SLC7A2: variants seen among roughly 807,000 people sequenced by gnomAD.
SLC7A2 encodes the protein solute carrier family 7 member 2, also known as cationic amino acid transporter 2.
A neutral mutation model predicts 58.9 loss-of-function variants in SLC7A2; 48 were observed. That is an observed-to-expected ratio of 0.82 (90% CI 0.65 to 1.04). The LOEUF is 1.04. SLC7A2 is among the 50% of genes least tolerant of loss of function. The probability of loss-of-function intolerance (pLI) is 0.00; values close to 1 mark genes in which losing one functional copy is unlikely to be tolerated. For missense variants in SLC7A2, 1,029 were observed against 818.8 expected (o/e 1.26, Z -3.13); for synonymous variants, 363 against 314.5 (o/e 1.15, Z -1.63).
chr8:17,495,571 A>G (rs1799936650), upstream of SLC7A2, among the ~76,000 whole-genome samples: 2 of 152,226 alleles, frequency 1.3e-5, no homozygotes, highest in South Asian at 4.1e-4. Context: ...TGTTTTTGAG[A>G]CGGAATCTCA....
chr8:17,544,282 G>C (rs929557121), intron 3 of SLC7A2, among the ~76,000 whole-genome samples, 169 bp from the exon 4 acceptor site: 2 of 152,196 alleles, frequency 1.3e-5, no homozygotes, highest in Non-Finnish European at 2.9e-5. Flanking sequence ...CAGAGTTATG[G>C]ATTTGAACAT....
intron 3 of SLC7A2, among the ~76,000 whole-genome samples, 159 bp downstream of exon 3, chr8:17,543,874 T>C (rs558280493): frequency 6.6e-6 from 1 of 152,116 alleles, no homozygotes; most frequent in Admixed American, 6.5e-5. Flanking sequence ...TACAAAATTC[T>C]GTGGGTTTTT....
intron 2 of SLC7A2, chr8:17,511,305 T>G (rs1800595605): frequency 6.6e-6 from 1 of 152,208 alleles, no homozygotes; most frequent in Non-Finnish European, 1.5e-5. Context: ...CATTTTCTCC[T>G]TAACTTCTTC....
In SLC7A2 at chr8:17,497,469, C is replaced by T. The variant is rs374593099; in HGVS notation, c.-69+232C>T. Among the ~76,000 whole-genome samples, 614 of 152,274 alleles carry T rather than the reference C, an allele frequency of 4.0e-3. 3 individuals are homozygous for T. The highest frequency in any genetic ancestry group is 0.014 in the African/African-American group (584 of 41,574). ...GGCTGGGGCTGAAGCCGTGGACCTT[C>T]GTCCTCGGGGCTGCGCCCCGGAATG... is the stretch of plus-strand genomic sequence containing the variant. On this transcript the variant is annotated intron_variant, in intron 1 of 12. Transcript: ENST00000494857.
intron 2 of SLC7A2, among the ~76,000 whole-genome samples, chr8:17,542,964 A>C (rs562876837): frequency 2.6e-5 from 4 of 152,148 alleles, no homozygotes; most frequent in African/African-American, 9.7e-5. Flanking sequence ...CCTGTTTCCA[A>C]ACAAAAACAG....
At chr8:17,550,521 G>C in intron 6 of SLC7A2, 87 bp downstream of exon 6, 1 of 1,309,314 alleles carries the variant, frequency 7.6e-7, no homozygotes, top group Non-Finnish European at 1.0e-6. Context: ...GTCCAGGAAA[G>C]AGAGAGGGAT....
chr8:17,513,041 T>G (rs1336289487), intron 2 of SLC7A2, among the ~76,000 whole-genome samples: 1 of 152,238 alleles, frequency 6.6e-6, no homozygotes, highest in East Asian at 1.9e-4. Context: ...TTCTCCATGA[T>G]AGACACTTGG....
At chr8:17,564,920 C>A (rs1241972530) in intron 12 of SLC7A2, 30 bp from the exon 13 acceptor site, 3 of 1,518,682 alleles carry the variant, frequency 2.0e-6, no homozygotes, top group Non-Finnish European at 2.7e-6. Flanking sequence ...ATACCTGAAA[C>A]ATTGATTTTT....
rs760227316 is a variant in SLC7A2 at position 17,544,554 on chromosome 8, T to A, written c.480T>A (p.Gly160=). Residue 160 remains glycine (G), a synonymous_variant, in exon 4 of 13, where the codon GGT becomes GGA. Coordinates refer to ENST00000494857, the MANE Select transcript of SLC7A2 (RefSeq NM_001370338.1). ...LRTYFRMNYT[G]LAEYPDFFAV... is the part of the protein sequence containing the mutation. ...CATACTTCAGAATGAATTACACTGG[T>A]CTTGCAGAATATCCCGATTTTTTTG... The A allele has an allele frequency of 6.1e-5, 98 of 1,614,052 alleles. No individual in the cohort carries two copies. The highest frequency in any genetic ancestry group is 8.1e-5 in the Non-Finnish European group (95 of 1,179,946).
In SLC7A2 at chr8:17,560,483, T is replaced by G; in HGVS notation, c.1454T>G (p.Leu485Arg). 4 of 1,613,992 alleles carry G rather than the reference T, an allele frequency of 2.5e-6. No individual in the cohort carries two copies. The highest frequency in any genetic ancestry group is 3.4e-6 in the Non-Finnish European group (4 of 1,179,880). Reference protein sequence around the residue: ...SMRTLFCPSLLPTQQSASLVS... With the variant: ...SMRTLFCPSLRPTQQSASLVS... ...CGGACCCTCTTCTGCCCCTCCCTTC[T>G]GCCAACACAGCAGTCAGCTTCTCTC... The change falls in exon 10 of 13, where the codon CTG (leucine) becomes CGG (arginine). Residue 485 changes from leucine to arginine, a missense_variant. Leu to Arg is a moderately radical substitution (Grantham distance 102). Transcript: ENST00000494857.
intron 2 of SLC7A2, among the ~76,000 whole-genome samples, chr8:17,537,531 A>G (rs17124778): frequency 0.15 from 23,317 of 152,148 alleles, 2,147 homozygotes; most frequent in African/African-American, 0.25. Context: ...CCTGAGTCAG[A>G]TGTCTCTCTG....
chr8:17,520,783 G>T (rs1194589581), intron 2 of SLC7A2: 2 of 845,072 alleles, frequency 2.4e-6, no homozygotes, highest in African/African-American at 1.8e-5. Flanking sequence ...GTAGAGATGA[G>T]CTTAAGCAGA....
At chr8:17,545,247 C>T (rs997218915) in intron 4 of SLC7A2, among the ~76,000 whole-genome samples, 16 of 152,230 alleles carry the variant, frequency 1.1e-4, no homozygotes, top group Non-Finnish European at 2.1e-4. Context: ...TAATCTTTCC[C>T]TCACTCGTAC....
intron 2 of SLC7A2, among the ~76,000 whole-genome samples, chr8:17,538,070 A>G (rs1296572245): frequency 2.0e-5 from 3 of 152,202 alleles, no homozygotes; most frequent in East Asian, 1.9e-4. Flanking sequence ...AGAATTCTCT[A>G]TCAGCCCTTT....
Position 17,562,180 on chromosome 8 carries a change from A to ATTTTTTTTT in SLC7A2, c.1671+97_1671+105dup, listed in dbSNP as rs200130071. 2.0e-4 allele frequency: 116 copies of ATTTTTTTTT among 594,286 alleles called. 1 individual carries two copies. The highest frequency in any genetic ancestry group is 1.2e-3 in the African/African-American group (32 of 27,094). The allele number at this position is 594,286 out of a possible 1,614,324, so 36.8% of individuals were successfully genotyped here. A position where few individuals can be genotyped will look rare whatever the true frequency, so the allele number is the denominator to read the frequency against. On this transcript the variant is annotated intron_variant, in intron 11 of 12. Transcript: ENST00000494857. ...TCTCTGTATAATTAGTTTGGTAAGT[A>ATTTTTTTTT]TTTTTTTTTTTTTTTTTTTTTTTTT...
rs144257728 is a variant in SLC7A2, at chr8:17,506,908, C to G, written c.-23+4606C>G. The stretch of plus-strand genomic sequence containing the variant: ...TCAGACCATTCTGTTTTTGTGAAAA[C>G]AAATAATAATTACTAGAATGCACTA... On this transcript the variant is annotated intron_variant, in intron 2 of 12. Coordinates refer to ENST00000494857, the MANE Select transcript of SLC7A2 (RefSeq NM_001370338.1). Among the ~76,000 whole-genome samples, 563 of 149,614 alleles carry G rather than the reference C, an allele frequency of 3.8e-3. 3 individuals are homozygous for G. Among genetic ancestry groups the G allele is most frequent in the African/African-American group, 0.013 (532 of 40,842 alleles).
chr8:17,516,424 A>G (rs1800807223), intron 2 of SLC7A2, among the ~76,000 whole-genome samples: 2 of 152,242 alleles, frequency 1.3e-5, no homozygotes, highest in Non-Finnish European at 2.9e-5. Flanking sequence ...GGGTTTTGCC[A>G]TGTTGGCCAG....
chr8:17,499,042 G>GT (rs1299268979), intron 1 of SLC7A2: 1 of 152,136 alleles, frequency 6.6e-6, no homozygotes, highest in Non-Finnish European at 1.5e-5. Context: ...CCTTTGCAGA[G>GT]TGGAAGTGCC....
At chr8:17,535,529 A>G (rs1801627563) in intron 2 of SLC7A2, among the ~76,000 whole-genome samples, 1 of 152,176 alleles carries the variant, frequency 6.6e-6, no homozygotes, top group African/African-American at 2.4e-5. Context: ...GGGGCAGCCT[A>G]TTTATGGTTG....
Sources: gnomAD v4.1 joint callset for allele counts (sites outside exome capture counted in the v4.1 genomes callset) on GRCh38, gnomAD v4.1.1 for gene constraint, MANE v1.5 for transcripts, NCBI Gene and HGNC (gene_info 2026-07-23, HGNC 2026-07-21) for gene names.